The following SHROOM2 variants were observed in gnomAD, a reference collection of about 807,000 sequenced individuals.
The protein encoded by SHROOM2 is protein Shroom2.
In SHROOM2, 33 loss-of-function variants were observed where a neutral mutation model predicts 75.9. The observed-to-expected ratio is 0.43, with a 90% CI of 0.33 to 0.58. SHROOM2 has a LOEUF of 0.58. Among genes scored for constraint, SHROOM2 ranks in the 20% least tolerant of loss-of-function variants. The pLI is 0.04. For missense variants in SHROOM2, 1,434 were observed against 1,461.2 expected (o/e 0.98, Z 0.30); for synonymous variants, 655 against 663.6 (o/e 0.99, Z 0.20).
In SHROOM2 at chrX:9,939,570, AC is replaced by A. The variant is rs2084750710; in HGVS notation, c.4311+205del. On this transcript the variant is annotated intron_variant, in intron 8 of 9. Coordinates refer to ENST00000380913, the MANE Select transcript of SHROOM2 (RefSeq NM_001649.4). The stretch of plus-strand genomic sequence containing the variant: ...CTATGTCCTAATCTTGAGCCATTCC[AC>A]AAACGTCTCTTTGCTGTTTCAATAG... Among the ~76,000 whole-genome samples, 2 of 112,113 alleles carry A rather than the reference AC, an allele frequency of 1.8e-5. 1 individual carries two copies. Among genetic ancestry groups the A allele is most frequent in the Non-Finnish European group, 3.8e-5 (2 of 53,218 alleles).
intron 1 of SHROOM2, among the ~76,000 whole-genome samples, chrX:9,852,018 A>C (rs866547197): frequency 9.0e-6 from 1 of 111,127 alleles, no homozygotes; most frequent in African/African-American, 3.3e-5. Flanking sequence ...GAGGCCTGTC[A>C]CTCCCTTGTT....
rs760099466 is a variant in SHROOM2 at position 9,855,201 on chromosome X, C to T, written c.166-18451C>T. Among the ~76,000 whole-genome samples, 163 of 94,881 alleles carry T rather than the reference C, an allele frequency of 1.7e-3. 1 individual carries two copies. Among genetic ancestry groups the T allele is most frequent in the African/African-American group, 5.8e-3 (146 of 25,170 alleles). 82.4% of individuals were successfully genotyped at this position (94,881 alleles called of 115,157 possible). On this transcript the variant is annotated intron_variant, in intron 1 of 9. Coordinates refer to ENST00000380913, the MANE Select transcript of SHROOM2 (RefSeq NM_001649.4). Reference sequence around the variant, plus strand: ...TAGGAGAAATACCTAATGTAGGTGACGGGTTGATGGGTGCAGCAAAGCACC... The same window carrying T: ...TAGGAGAAATACCTAATGTAGGTGATGGGTTGATGGGTGCAGCAAAGCACC...
rs191150858 is a variant in SHROOM2 at position 9,838,299 on chromosome X, A to T, written c.166-35353A>T. 5.5e-5 allele frequency among the ~76,000 whole-genome samples: 6 copies of T among 109,946 alleles called. No homozygotes were observed. The East Asian group carries it at 1.4e-3, about 26-fold the overall frequency. ...ATGGTCTCGATCTCCTGACCTCGTGATCCACCCGCTTCGGCCTCCCAAAGT... is the reference window on the plus strand; with the variant it reads ...ATGGTCTCGATCTCCTGACCTCGTGTTCCACCCGCTTCGGCCTCCCAAAGT... On this transcript the variant is annotated intron_variant, in intron 1 of 9. Coordinates refer to ENST00000380913, the MANE Select transcript of SHROOM2 (RefSeq NM_001649.4).
At chrX:9,828,769 G>A (rs964522682) in intron 1 of SHROOM2, among the ~76,000 whole-genome samples, 1 of 111,114 alleles carries the variant, frequency 9.0e-6, no homozygotes, top group Non-Finnish European at 1.9e-5. Flanking sequence ...CAGCTTTCCT[G>A]TCTGTCTATA....
chrX:9,798,415 C>T (rs1477796464), intron 1 of SHROOM2, among the ~76,000 whole-genome samples: 2 of 111,317 alleles, frequency 1.8e-5, no homozygotes, highest in African/African-American at 6.5e-5. Context: ...TTTCTTGTTG[C>T]ACAATTAAAA....
rs139598027 is a variant in SHROOM2 at position 9,896,724 on chromosome X, G to A, written c.2790+26G>A. 4.9e-3 allele frequency: 5,545 copies of A among 1,136,696 alleles called. 172 individuals are homozygous for A. In the African/African-American group the frequency reaches 0.083, roughly 17 times the overall value. 93.7% of individuals were successfully genotyped at this position (1,136,696 alleles called of 1,213,427 possible). A position where few individuals can be genotyped will look rare whatever the true frequency, so the allele number is the denominator to read the frequency against. On this transcript the variant is annotated intron_variant, in intron 4 of 9. Transcript: ENST00000380913. ...GTAAGCATGGAGCCACAGCCCCCTT[G>A]ACCATCATCTTAACCCAAGGACAGG...
chrX:9,812,415 C>T (rs1472101818), intron 1 of SHROOM2, among the ~76,000 whole-genome samples: 3 of 112,055 alleles, frequency 2.7e-5, no homozygotes, highest in African/African-American at 9.7e-5. Context: ...TGAGGTGTTG[C>T]CTCCAAAATC....
chrX:9,878,519 G>A (rs1411950692), intron 2 of SHROOM2, among the ~76,000 whole-genome samples: 1 of 111,940 alleles, frequency 8.9e-6, no homozygotes. Flanking sequence ...TACAACATGC[G>A]TCCCGTCTTG....
chrX:9,837,537 C>T (rs897410615), intron 1 of SHROOM2, among the ~76,000 whole-genome samples: 7 of 112,221 alleles, frequency 6.2e-5, no homozygotes, highest in Admixed American at 9.4e-5. Context: ...GGGCGGCATG[C>T]GGAAGGAACA....
At chrX:9,823,229 CCTCCTT>C (rs1208546997) in intron 1 of SHROOM2, among the ~76,000 whole-genome samples, 16 of 84,952 alleles carry the variant, frequency 1.9e-4, no homozygotes, top group African/African-American at 6.8e-4. Context: ...TCCTCCTCCT[CCTCCTT>C]CTTCTCTTCT....
chrX:9,942,707 C>T (rs892446876), intron 8 of SHROOM2, among the ~76,000 whole-genome samples: 3 of 111,943 alleles, frequency 2.7e-5, no homozygotes, highest in Non-Finnish European at 3.8e-5. Flanking sequence ...TTGTCTTCAC[C>T]TGTCAGGAAG....
chrX:9,865,249 AG>A (rs907186945), intron 1 of SHROOM2: 1 of 112,267 alleles, frequency 8.9e-6, no homozygotes, highest in African/African-American at 3.2e-5. Flanking sequence ...ACATGGAATT[AG>A]GTGGGATTCT....
At chrX:9,816,901 G>A (rs763593819) in intron 1 of SHROOM2, among the ~76,000 whole-genome samples, 1 of 111,875 alleles carries the variant, frequency 8.9e-6, no homozygotes, top group Admixed American at 9.5e-5. Context: ...AAATTTTCCA[G>A]ATTTAGGGGA....
At chrX:9,835,268 A>C (rs1157262253) in intron 1 of SHROOM2, among the ~76,000 whole-genome samples, 2 of 112,273 alleles carry the variant, frequency 1.8e-5, no homozygotes, top group Non-Finnish European at 3.8e-5. Flanking sequence ...GGCCAGTTGA[A>C]TATATGCACG....
At position 9,922,346 on chromosome X, in the gene SHROOM2, A is replaced by G. The variant is rs1433762633; in HGVS notation, c.2892-9829A>G. On this transcript the variant is annotated intron_variant, in intron 5 of 9. Coordinates refer to ENST00000380913, the MANE Select transcript of SHROOM2 (RefSeq NM_001649.4). Reference sequence around the variant, plus strand: ...GTTGCTGGGACTCCAGGCATGAGCCACTGTGCCTGGCTGATTTTGATAACT... The same window carrying G: ...GTTGCTGGGACTCCAGGCATGAGCCGCTGTGCCTGGCTGATTTTGATAACT... 4.5e-5 allele frequency among the ~76,000 whole-genome samples: 5 copies of G among 111,785 alleles called. No individual in the cohort carries two copies. In the East Asian group the frequency reaches 1.4e-3, roughly 32 times the overall value.
chrX:9,833,645 T>TGTGTGTGTGTGTGTGC (rs989151309), intron 1 of SHROOM2, among the ~76,000 whole-genome samples: 1 of 100,146 alleles, frequency 1.0e-5, no homozygotes, highest in Admixed American at 1.1e-4. Context: ...TGTGTGTGTG[T>TGTGTGTGTGTGTGTGC]GCATGCACGT....
chrX:9,946,580 G>GA, intron 9 of SHROOM2, 91 bp from the exon 10 acceptor site: 1 of 892,089 alleles, frequency 1.1e-6, no homozygotes, highest in Non-Finnish European at 1.6e-6. Flanking sequence ...TAAGTTGTGG[G>GA]ACCAGCCCAC....
chrX:9,840,290 C>G (rs2146768145), intron 1 of SHROOM2, among the ~76,000 whole-genome samples: 1 of 111,682 alleles, frequency 9.0e-6, no homozygotes, highest in South Asian at 3.8e-4. Context: ...ATTTTCTTTT[C>G]TTTTTCTTTT....
intron 1 of SHROOM2, among the ~76,000 whole-genome samples, chrX:9,831,794 C>A (rs188497142): frequency 1.8e-5 from 2 of 111,526 alleles, no homozygotes; most frequent in African/African-American, 6.5e-5. Flanking sequence ...CTTGCTGTAT[C>A]CATGCATGGT....
Sources: allele counts gnomAD v4.1 joint callset (sites outside exome capture counted in the v4.1 genomes callset), GRCh38; gene constraint gnomAD v4.1.1; transcripts MANE v1.5; gene names NCBI Gene and HGNC (gene_info 2026-07-23, HGNC 2026-07-21).